PRELID2: variants seen among roughly 807,000 people sequenced by gnomAD.
The protein encoded by PRELID2 is PRELI domain-containing protein 2.
PRELID2 carries 25 observed loss-of-function variants against 28.4 expected under a neutral mutation model. The observed-to-expected ratio is 0.88, with a 90% CI of 0.64 to 1.23. The LOEUF (loss-of-function observed/expected upper bound fraction) is 1.23, where lower values mean the gene tolerates loss of function less well. Ranked by LOEUF, PRELID2 falls within the 50% of genes most tolerant of loss-of-function variation. The probability of loss-of-function intolerance (pLI) is 0.00; values close to 1 mark genes in which losing one functional copy is unlikely to be tolerated. For missense variants in PRELID2, 201 were observed against 214.4 expected, an observed-to-expected ratio of 0.94 and a Z score of 0.39; for synonymous variants, 76 against 71.6, an observed-to-expected ratio of 1.06 and a Z score of -0.31.
intron 1 of PRELID2, among the ~76,000 whole-genome samples, chr5:145,704,776 G>A (rs533301822): frequency 8.5e-5 from 13 of 152,258 alleles, no homozygotes; most frequent in Admixed American, 5.2e-4. Flanking sequence ...AATTGGGCCC[G>A]AAAGGGAATA....
the PRELID2 span, among the ~76,000 whole-genome samples, chr5:145,452,555 T>G: frequency 6.6e-6 from 1 of 152,192 alleles, no homozygotes; most frequent in Non-Finnish European, 1.5e-5. Flanking sequence ...TATGCACTCT[T>G]TATTTCCCCC....
intron 1 of PRELID2, among the ~76,000 whole-genome samples, chr5:145,565,016 G>A (rs1752954056): frequency 6.6e-6 from 1 of 152,198 alleles, no homozygotes; most frequent in African/African-American, 2.4e-5. Context: ...AGATGAGCCA[G>A]GTACCTCAGT....
At chr5:145,616,631 C>A (rs1338406511) in intron 1 of PRELID2, among the ~76,000 whole-genome samples, 1 of 152,020 alleles carries the variant, frequency 6.6e-6, no homozygotes, top group Non-Finnish European at 1.5e-5. Context: ...AGGGAGTGTA[C>A]AAATAGGGTG....
At chr5:145,573,653 T>G (rs1347354925) in intron 1 of PRELID2, among the ~76,000 whole-genome samples, 3 of 152,194 alleles carry the variant, frequency 2.0e-5, no homozygotes, top group Admixed American at 6.5e-5. Flanking sequence ...TCCAGCTTCA[T>G]CCATGTCCCT....
At chr5:145,345,828 GCCCCACCC>G in the PRELID2 span, among the ~76,000 whole-genome samples, 4 of 142,388 alleles carry the variant, frequency 2.8e-5, no homozygotes, top group Admixed American at 2.8e-4. Context: ...CCGCACCCCC[GCCCCACCC>G]CACACATATA....
At chr5:145,368,799 TG>T in the PRELID2 span, among the ~76,000 whole-genome samples, 4 of 151,854 alleles carry the variant, frequency 2.6e-5, no homozygotes, top group East Asian at 1.9e-4. Context: ...TTTTTGTTGT[TG>T]TTTTTTTTCA....
intron 5 of PRELID2, among the ~76,000 whole-genome samples, chr5:145,792,144 A>G (rs776413526): frequency 1.6e-4 from 24 of 152,128 alleles, no homozygotes; most frequent in Non-Finnish European, 3.1e-4. Flanking sequence ...GCCCCACGCA[A>G]GTGGCTTAAG....
At chr5:145,671,843 C>G (rs994636237) in intron 1 of PRELID2, among the ~76,000 whole-genome samples, 1 of 152,034 alleles carries the variant, frequency 6.6e-6, no homozygotes, top group African/African-American at 2.4e-5. Context: ...TACCAAGAAA[C>G]GCAAGTGTAA....
intron 1 of PRELID2, among the ~76,000 whole-genome samples, chr5:145,720,363 G>GA (rs960625072): frequency 2.3e-4 from 34 of 149,642 alleles, no homozygotes; most frequent in African/African-American, 7.3e-4. Context: ...TCCCAGAAGG[G>GA]AAAAAAAAAT....
chr5:145,746,508 T>C (rs921384402), intron 1 of PRELID2, among the ~76,000 whole-genome samples: 15 of 152,146 alleles, frequency 9.9e-5, no homozygotes, highest in Non-Finnish European at 5.9e-5. Context: ...ATGTACCCAA[T>C]ACAGGAGCAC....
chr5:145,759,233 C>T lies in PRELID2; in HGVS notation c.*1303G>A, dbSNP rs961372923. The T allele has an allele frequency of 6.6e-6, 1 of 152,006 alleles. No homozygotes were observed. Among genetic ancestry groups the T allele is most frequent in the African/African-American group, 2.4e-5 (1 of 41,388 alleles). The allele number at this position is 152,006 out of a possible 1,614,324, so 9.4% of individuals were successfully genotyped here. On this transcript the variant is annotated 3_prime_UTR_variant, in exon 7 of 7. Transcript: ENST00000683046. The stretch of plus-strand genomic sequence containing the variant: ...GGCCAGGCTGGTCTCGAACTCCTGA[C>T]CTTGTGATCCACCCGCCTCGGCCTC...
the PRELID2 span, among the ~76,000 whole-genome samples, chr5:145,423,402 T>C: frequency 1.3e-5 from 2 of 152,186 alleles, no homozygotes; most frequent in African/African-American, 2.4e-5. Context: ...TCTTTTCACA[T>C]AGTCCCATAT....
chr5:145,249,969 T>C, the PRELID2 span, among the ~76,000 whole-genome samples: 3 of 150,180 alleles, frequency 2.0e-5, no homozygotes, highest in African/African-American at 5.0e-5. Context: ...CTCTCTCCTT[T>C]TGATGCATAG....
At chr5:145,834,043 A>G (rs1755775998) in intron 1 of PRELID2, among the ~76,000 whole-genome samples, 1 of 152,112 alleles carries the variant, frequency 6.6e-6, no homozygotes, top group South Asian at 2.1e-4. Context: ...CCATTTTCCT[A>G]TTATCAGGAC....
chr5:145,581,764 C>A (rs779136921), intron 1 of PRELID2, among the ~76,000 whole-genome samples: 7 of 151,962 alleles, frequency 4.6e-5, no homozygotes, highest in Non-Finnish European at 1.0e-4. Flanking sequence ...TTTCAGGAAA[C>A]CTGAGTGCAT....
chr5:145,332,233 G>C, the PRELID2 span, among the ~76,000 whole-genome samples: 2 of 152,102 alleles, frequency 1.3e-5, no homozygotes, highest in South Asian at 4.1e-4. Context: ...TGAATCTGAG[G>C]ATTATGTGTC....
At chr5:145,444,070 A>G in the PRELID2 span, among the ~76,000 whole-genome samples, 1 of 152,076 alleles carries the variant, frequency 6.6e-6, no homozygotes, top group African/African-American at 2.4e-5. Flanking sequence ...TCACAGCCAC[A>G]GTGCTGATTA....
At chr5:145,486,096 A>G (rs1052542361) in intron 1 of PRELID2, among the ~76,000 whole-genome samples, 4 of 152,314 alleles carry the variant, frequency 2.6e-5, no homozygotes, top group African/African-American at 9.6e-5. Flanking sequence ...AAATTAGTTT[A>G]GGAGCCTATT....
At chr5:145,657,149 AGAT>A (rs1369193684) in intron 1 of PRELID2, among the ~76,000 whole-genome samples, 1 of 152,196 alleles carries the variant, frequency 6.6e-6, no homozygotes, top group Non-Finnish European at 1.5e-5. Flanking sequence ...TGGGTCAAAC[AGAT>A]AATAATAATA....
Sources: allele counts gnomAD v4.1 joint callset (sites outside exome capture counted in the v4.1 genomes callset), GRCh38; gene constraint gnomAD v4.1.1; transcripts MANE v1.5; gene names NCBI Gene and HGNC (gene_info 2026-07-23, HGNC 2026-07-21).